Variants in RAB32 observed in about 807,000 individuals in gnomAD.
RAB32 encodes the protein RAB32, member RAS oncogene family, also known as ras-related protein Rab-32.
RAB32 carries 17 observed loss-of-function variants against 17.5 expected under a neutral mutation model. The ratio of observed to expected loss-of-function variants is 0.97; its 90% CI spans 0.67 to 1.46. The LOEUF (loss-of-function observed/expected upper bound fraction) is 1.46. RAB32 is among the 40% of genes most tolerant of loss of function. RAB32 has a pLI of 0.00. For synonymous variants in RAB32, 115 were observed against 111.1 expected (o/e 1.04, Z -0.22); for missense variants, 288 against 284.3 (o/e 1.01, Z -0.09).
chr6:146,554,708 T>G lies in RAB32; in HGVS notation c.*103T>G, dbSNP rs549160729. 2.0e-4 allele frequency: 266 copies of G among 1,339,472 alleles called. 1 individual carries two copies. The African/African-American group carries it at 3.0e-3, about 15-fold the overall frequency. The allele number at this position is 1,339,472 out of a possible 1,614,324, so 83.0% of individuals were successfully genotyped here. A position where few individuals can be genotyped will look rare whatever the true frequency, so the allele number is the denominator to read the frequency against. ...CTGGGAGTCTTCCCACATGTGGCACTTCAAAAGGCAGCACCACTGGGCGCC... is the reference window on the plus strand; with the variant it reads ...CTGGGAGTCTTCCCACATGTGGCACGTCAAAAGGCAGCACCACTGGGCGCC... On this transcript the variant is annotated 3_prime_UTR_variant, in exon 3 of 3. Transcript: ENST00000367495.
intron 2 of RAB32, among the ~76,000 whole-genome samples, chr6:146,551,204 T>C (rs1261398821): frequency 1.3e-5 from 2 of 152,184 alleles, no homozygotes. Flanking sequence ...TGAATAAATA[T>C]AGCATCTTAA....
intron 1 of RAB32, among the ~76,000 whole-genome samples, chr6:146,547,544 T>C (rs1230914971): frequency 2.6e-5 from 4 of 152,124 alleles, no homozygotes; most frequent in African/African-American, 9.7e-5. Flanking sequence ...CCTAAACTTA[T>C]TTTACATTGT....
In RAB32 at chr6:146,549,500, A is replaced by C; in HGVS notation, c.287A>C (p.Tyr96Ser). Residue 96 changes from tyrosine (Y) to serine (S), a missense_variant, in exon 2 of 3, where the codon TAC becomes TCC. Tyr to Ser is a moderately radical substitution (Grantham distance 144). Transcript: ENST00000367495. ...ERFGNMTRVY[Y>S]KEAVGAFVVF... ...TTTGGCAACATGACCCGAGTATACT[A>C]CAAGGAAGCTGTTGGTGCTTTTGTA... is the stretch of plus-strand genomic sequence containing the variant. 3.1e-6 allele frequency: 5 copies of C among 1,614,154 alleles called. No individual in the cohort carries two copies. The highest frequency in any genetic ancestry group is 4.2e-6 in the Non-Finnish European group (5 of 1,179,974).
Position 146,554,455 on chromosome 6 carries a change from G to A in RAB32, c.529-1G>A. On this transcript the variant is annotated splice_acceptor_variant, in intron 2 of 2. Coordinates refer to ENST00000367495, the MANE Select transcript of RAB32 (RefSeq NM_006834.5). LOFTEE classifies it high-confidence loss of function. ...TCCCGTTCTTCATTTCTGCATTACA[G>A]GATAACATAAACATAGAGGAAGCTG... The A allele has an allele frequency of 6.2e-6, 10 of 1,604,148 alleles. No individual in the cohort carries two copies. Among genetic ancestry groups the A allele is most frequent in the Non-Finnish European group, 7.6e-6 (9 of 1,177,112 alleles).
At chr6:146,544,164 C>T (rs764176389) in intron 1 of RAB32, 43 bp downstream of exon 1, 5 of 1,558,100 alleles carry the variant, frequency 3.2e-6, no homozygotes, top group Non-Finnish European at 4.3e-6. Context: ...CCCCGCCGGG[C>T]CGCCTGGCTC....
intron 2 of RAB32, among the ~76,000 whole-genome samples, chr6:146,553,267 A>T (rs1325463517): frequency 6.6e-6 from 1 of 152,168 alleles, no homozygotes; most frequent in Non-Finnish European, 1.5e-5. Flanking sequence ...TGATGATAAC[A>T]TTAGTGGGGA....
intron 1 of RAB32, among the ~76,000 whole-genome samples, chr6:146,546,657 A>T (rs935788445): frequency 1.4e-4 from 21 of 152,128 alleles, no homozygotes; most frequent in African/African-American, 4.6e-4. Context: ...TACTTGCCTT[A>T]TGTAGTAACA....
chr6:146,554,500 G>T lies in RAB32; in HGVS notation c.573G>T (p.Lys191Asn), dbSNP rs148218366. ...AAGCTGCCCGGTTCCTAGTGGAGAA[G>T]ATTCTTGTAAACCACCAAAGCTTTC... ...IEEAARFLVE[K>N]ILVNHQSFPN... Residue 191 changes from lysine (K) to asparagine (N), a missense_variant, in exon 3 of 3, where the codon AAG (lysine) becomes AAT (asparagine). Lys to Asn is a moderately conservative substitution (Grantham distance 94, BLOSUM62 0). Coordinates refer to ENST00000367495, the MANE Select transcript of RAB32 (RefSeq NM_006834.5). 4.4e-4 allele frequency: 702 copies of T among 1,613,746 alleles called. 2 individuals carry two copies. Among genetic ancestry groups the T allele is most frequent in the South Asian group, 8.7e-4 (79 of 91,030 alleles).
intron 1 of RAB32, among the ~76,000 whole-genome samples, chr6:146,547,338 C>G (rs1779836486): frequency 6.6e-6 from 1 of 151,988 alleles, no homozygotes; most frequent in South Asian, 2.1e-4. Flanking sequence ...CCATTTAGGT[C>G]TAGTATACTT....
At position 146,554,810 on chromosome 6, in the gene RAB32, CTTT is replaced by C. The variant is rs1779939326; in HGVS notation, c.*207_*209del. 1.3e-5 allele frequency: 6 copies of C among 452,472 alleles called. No individual in the cohort carries two copies. The highest frequency in any genetic ancestry group is 2.3e-5 in the Non-Finnish European group (6 of 256,680). 28.0% of individuals were successfully genotyped at this position (452,472 alleles called of 1,614,324 possible). On this transcript the variant is annotated 3_prime_UTR_variant, in exon 3 of 3. Coordinates refer to ENST00000367495, the MANE Select transcript of RAB32 (RefSeq NM_006834.5). ...TGTAACTTAACAGATGACAATTAGGCTTTTGTCATTGTTGCCATCATATGGAAG... is the reference window on the plus strand; with the variant it reads ...TGTAACTTAACAGATGACAATTAGGCTGTCATTGTTGCCATCATATGGAAG...
chr6:146,544,097 C>A lies in RAB32; in HGVS notation c.226C>A (p.Arg76Ser). The A allele has an allele frequency of 6.2e-7, 1 of 1,612,508 alleles. No homozygotes were observed. The highest frequency in any genetic ancestry group is 8.5e-7 in the Non-Finnish European group (1 of 1,179,350). ...CAACTGGGACAGCAGGACTCTGGTG[C>A]GCCTGCAGCTGTGGGACATCGCGGG... Reference protein sequence around the residue: ...VLNWDSRTLVRLQLWDIAGQE... With the variant: ...VLNWDSRTLVSLQLWDIAGQE... Residue 76 changes from arginine (R) to serine (S), a missense_variant, in exon 1 of 3, where the codon CGC becomes AGC. Transcript: ENST00000367495.
At position 146,554,573 on chromosome 6, in the gene RAB32, T is replaced by C. The variant is rs965205257; in HGVS notation, c.646T>C (p.Leu216=). 1.2e-6 allele frequency: 2 copies of C among 1,613,664 alleles called. No homozygotes were observed. The highest frequency in any genetic ancestry group is 2.7e-5 in the African/African-American group (2 of 75,004). The change falls in exon 3 of 3, where the codon TTG becomes CTG. Residue 216 remains leucine, a synonymous_variant. Coordinates refer to ENST00000367495, the MANE Select transcript of RAB32 (RefSeq NM_006834.5). ...CAAAATTAAGCTAGATCAAGAGACC[T>C]TGAGAGCAGAGAACAAATCCCAGTG... The part of the protein sequence containing the change: ...VDKIKLDQET[L]RAENKSQCC
intron 1 of RAB32, among the ~76,000 whole-genome samples, chr6:146,549,119 C>T (rs1213319062): frequency 6.6e-6 from 1 of 152,208 alleles, no homozygotes; most frequent in Non-Finnish European, 1.5e-5. Flanking sequence ...TCCTCTACTT[C>T]CAGCTTTATG....
rs779985990 is a variant in RAB32, at chr6:146,543,861, C to T, written c.-11C>T. 1.3e-5 allele frequency: 19 copies of T among 1,435,546 alleles called. No individual in the cohort carries two copies. Among genetic ancestry groups the T allele is most frequent in the Admixed American group, 3.0e-5 (1 of 33,064 alleles). The allele number at this position is 1,435,546 out of a possible 1,614,324, so 88.9% of individuals were successfully genotyped here. On this transcript the variant is annotated 5_prime_UTR_variant, in exon 1 of 3. Transcript: ENST00000367495. ...CTCGGAGTCGAGGCGCGCCCGACAG[C>T]CGCAGCGCTCATGGCGGGCGGAGGA... is the stretch of plus-strand genomic sequence containing the variant.
rs565360421 is a variant in RAB32 at position 146,549,226 on chromosome 6, T to C, written c.251-238T>C. On this transcript the variant is annotated intron_variant, in intron 1 of 2. Coordinates refer to ENST00000367495, the MANE Select transcript of RAB32 (RefSeq NM_006834.5). The stretch of plus-strand genomic sequence containing the variant: ...TTAAATATTGTCATATTGGTTTTTA[T>C]GGAGAATATGTTGTACAGAACATAA... Among the ~76,000 whole-genome samples the C allele has an allele frequency of 2.0e-5, 3 of 152,340 alleles. No individual in the cohort carries two copies. In the East Asian group the frequency reaches 5.8e-4, roughly 29 times the overall value.
chr6:146,547,019 A>G (rs1166255642), intron 1 of RAB32, among the ~76,000 whole-genome samples: 1 of 152,146 alleles, frequency 6.6e-6, no homozygotes, highest in Non-Finnish European at 1.5e-5. Context: ...TAAAATACAG[A>G]TGCAGTTTAG....
rs769866807 is a variant in RAB32 at position 146,554,463 on chromosome 6, T to C, written c.536T>C (p.Ile179Thr). 6.2e-7 allele frequency: 1 copy of C among 1,607,694 alleles called. No individual in the cohort carries two copies. The highest frequency in any genetic ancestry group is 1.3e-5 in the African/African-American group (1 of 74,256). The stretch of plus-strand genomic sequence containing the variant: ...TTCATTTCTGCATTACAGGATAACA[T>C]AAACATAGAGGAAGCTGCCCGGTTC... Reference protein sequence around the residue: ...GWFETSAKDNINIEEAARFLV... With the variant: ...GWFETSAKDNTNIEEAARFLV... Residue 179 changes from isoleucine to threonine, a missense_variant, in exon 3 of 3, where the codon ATA becomes ACA. By Grantham distance (89) the Ile-to-Thr change is moderately conservative. Coordinates refer to ENST00000367495, the MANE Select transcript of RAB32 (RefSeq NM_006834.5).
chr6:146,546,042 A>G (rs1048986741), intron 1 of RAB32, among the ~76,000 whole-genome samples: 1 of 152,242 alleles, frequency 6.6e-6, no homozygotes, highest in Admixed American at 6.5e-5. Flanking sequence ...AAGCAGGAGT[A>G]AGATACAAAT....
chr6:146,546,755 T>G (rs1779826990), intron 1 of RAB32, among the ~76,000 whole-genome samples: 1 of 151,684 alleles, frequency 6.6e-6, no homozygotes, highest in Admixed American at 6.6e-5. Context: ...CATAACTAAG[T>G]TAAGGTGTGG....
Sources: gnomAD v4.1 joint callset for allele counts (sites outside exome capture counted in the v4.1 genomes callset) on GRCh38, gnomAD v4.1.1 for gene constraint, MANE v1.5 for transcripts, NCBI Gene and HGNC (gene_info 2026-07-23, HGNC 2026-07-21) for gene names.